Variants in CFAP299 observed in about 807,000 individuals in gnomAD.
CFAP299 encodes the protein cilia- and flagella-associated protein 299.
Under a neutral mutation model 27.0 loss-of-function variants are expected in CFAP299, and 21 were observed. The ratio of observed to expected loss-of-function variants is 0.78; its 90% CI spans 0.55 to 1.12. The LOEUF is 1.12. Among genes scored for constraint, CFAP299 ranks in the 50% most tolerant of loss-of-function variants. The pLI is 0.00. For missense variants in CFAP299, 310 were observed against 276.6 expected, an observed-to-expected ratio of 1.12 and a Z score of -0.86; for synonymous variants, 104 against 98.1, an observed-to-expected ratio of 1.06 and a Z score of -0.36.
At chr4:80,671,720 A>T (rs1250009277) in intron 3 of CFAP299, among the ~76,000 whole-genome samples, 1 of 152,094 alleles carries the variant, frequency 6.6e-6, no homozygotes, top group South Asian at 2.1e-4. Flanking sequence ...TATCCCTTGT[A>T]AGTTGGATTC....
chr4:80,612,671 T>G (rs770865033), intron 3 of CFAP299, among the ~76,000 whole-genome samples: 6 of 152,150 alleles, frequency 3.9e-5, no homozygotes, highest in Non-Finnish European at 8.8e-5. Flanking sequence ...ATTTAAACTA[T>G]TTCAATAATA....
intron 2 of CFAP299, among the ~76,000 whole-genome samples, chr4:80,489,425 A>G (rs764272899): frequency 1.1e-4 from 16 of 152,102 alleles, no homozygotes; most frequent in Non-Finnish European, 2.1e-4. Flanking sequence ...CAGAGAGTCT[A>G]TTACTGAATG....
intron 3 of CFAP299, among the ~76,000 whole-genome samples, chr4:80,670,711 G>A (rs1370385334): frequency 6.6e-6 from 1 of 152,112 alleles, no homozygotes; most frequent in African/African-American, 2.4e-5. Context: ...TCTCATTGTG[G>A]TTTTGATTTG....
intron 2 of CFAP299, among the ~76,000 whole-genome samples, chr4:80,506,022 A>ATG (rs1455422503): frequency 1.3e-5 from 2 of 150,708 alleles, no homozygotes; most frequent in African/African-American, 4.9e-5. Flanking sequence ...AAATATATAT[A>ATG]TAAAAATAAT....
chr4:80,782,244 C>T (rs1726922149), intron 3 of CFAP299, among the ~76,000 whole-genome samples: 1 of 151,824 alleles, frequency 6.6e-6, no homozygotes, highest in African/African-American at 2.4e-5. Context: ...AGTGAAGCTT[C>T]CACATCCCTC....
In CFAP299 at chr4:80,870,130, T is replaced by C; in HGVS notation, c.471T>C (p.Asp157=). 6.2e-7 allele frequency: 1 copy of C among 1,603,236 alleles called. No individual in the cohort carries two copies. Among genetic ancestry groups the C allele is most frequent in the East Asian group, 2.2e-5 (1 of 44,744 alleles). Residue 157 remains aspartate, a synonymous_variant, in exon 4 of 6, where the codon GAT becomes GAC. Coordinates refer to ENST00000358105, the MANE Select transcript of CFAP299 (RefSeq NM_152770.3). ...GKKRLLPRPT[D]ISFYNWDADI... is the part of the protein sequence containing the mutation. ...AAAGACTTCTTCCAAGGCCTACAGA[T>C]ATAAGGTAAATTACATACAATTTTT... is the stretch of plus-strand genomic sequence containing the variant.
chr4:80,390,425 G>A (rs756877886), intron 2 of CFAP299, among the ~76,000 whole-genome samples: 6 of 151,258 alleles, frequency 4.0e-5, no homozygotes, highest in Non-Finnish European at 8.8e-5. Context: ...CAGGTTCATA[G>A]TGATGTTGCA....
At chr4:80,955,448 A>G (rs1738019220) in intron 5 of CFAP299, among the ~76,000 whole-genome samples, 1 of 152,222 alleles carries the variant, frequency 6.6e-6, no homozygotes, top group Non-Finnish European at 1.5e-5. Flanking sequence ...TAGGTGCTCA[A>G]TGAATGAAAA....
At chr4:80,893,859 C>G (rs1374951028) in intron 4 of CFAP299, among the ~76,000 whole-genome samples, 1 of 151,720 alleles carries the variant, frequency 6.6e-6, no homozygotes, top group Non-Finnish European at 1.5e-5. Context: ...GCAAAAATGA[C>G]AAATGGAATT....
At chr4:80,618,219 T>C (rs1255954116) in intron 3 of CFAP299, among the ~76,000 whole-genome samples, 2 of 151,980 alleles carry the variant, frequency 1.3e-5, no homozygotes, top group East Asian at 1.9e-4. Context: ...AAGAAAAAAA[T>C]TAAAGGTAGA....
At chr4:80,576,725 A>T (rs953244289) in intron 2 of CFAP299, among the ~76,000 whole-genome samples, 1 of 152,114 alleles carries the variant, frequency 6.6e-6, no homozygotes, top group Non-Finnish European at 1.5e-5. Context: ...CTCTTCATTA[A>T]TTTTTTCCAA....
At chr4:80,958,338 T>C (rs1423470496) in intron 5 of CFAP299, among the ~76,000 whole-genome samples, 3 of 152,176 alleles carry the variant, frequency 2.0e-5, no homozygotes, top group African/African-American at 7.2e-5. Context: ...AACATGACAT[T>C]ACGGGGAAGG....
intron 4 of CFAP299, among the ~76,000 whole-genome samples, chr4:80,943,022 G>C (rs930833808): frequency 6.6e-6 from 1 of 152,170 alleles, no homozygotes; most frequent in African/African-American, 2.4e-5. Flanking sequence ...ACTCCACTGG[G>C]GGGCTGAGCC....
At chr4:80,950,953 A>C (rs1244757094) in intron 5 of CFAP299, among the ~76,000 whole-genome samples, 2 of 152,172 alleles carry the variant, frequency 1.3e-5, no homozygotes, top group Non-Finnish European at 2.9e-5. Context: ...CCTCAAGGAG[A>C]TTCAGTACTA....
At chr4:80,702,215 A>C (rs887943792) in intron 3 of CFAP299, among the ~76,000 whole-genome samples, 2 of 151,870 alleles carry the variant, frequency 1.3e-5, no homozygotes, top group Admixed American at 1.3e-4. Flanking sequence ...TACCTACTTT[A>C]ACACAATAGA....
intron 3 of CFAP299, among the ~76,000 whole-genome samples, chr4:80,781,477 G>T (rs6827468): frequency 0.03 from 4,504 of 152,046 alleles, 239 homozygotes; most frequent in African/African-American, 0.1. Context: ...TAAAGGAATG[G>T]GTTTCATAAA....
intron 3 of CFAP299, among the ~76,000 whole-genome samples, chr4:80,795,647 G>C (rs999322413): frequency 3.3e-5 from 5 of 152,132 alleles, no homozygotes; most frequent in Non-Finnish European, 7.3e-5. Flanking sequence ...TTTAGGACCT[G>C]CTTGAGCCCA....
Position 80,466,685 on chromosome 4 carries a change from G to A in CFAP299, c.242+103801G>A, listed in dbSNP as rs190561472. On this transcript the variant is annotated intron_variant, in intron 2 of 5. Transcript: ENST00000358105. ...ACTCCAAACCACAGAGTCAGCAAAA[G>A]CAGTATTCTTCATCCCTCAGTCCCT... 5.1e-3 allele frequency among the ~76,000 whole-genome samples: 771 copies of A among 152,274 alleles called. 4 individuals are homozygous for A. Among genetic ancestry groups the A allele is most frequent in the Middle Eastern group, 0.017 (5 of 294 alleles).
At chr4:80,692,357 A>G (rs1044695963) in intron 3 of CFAP299, among the ~76,000 whole-genome samples, 1 of 152,286 alleles carries the variant, frequency 6.6e-6, no homozygotes, top group South Asian at 2.1e-4. Flanking sequence ...ATATAGATCA[A>G]TGGAACAGAA....
Sources: gnomAD v4.1 joint callset for allele counts (sites outside exome capture counted in the v4.1 genomes callset) on GRCh38, gnomAD v4.1.1 for gene constraint, MANE v1.5 for transcripts, NCBI Gene and HGNC (gene_info 2026-07-23, HGNC 2026-07-21) for gene names.